Variants in KRTAP16-1 observed in about 807,000 individuals in gnomAD.
KRTAP16-1 encodes keratin associated protein 16-1, also known as keratin-associated protein 16-1.
For synonymous variants in KRTAP16-1, 262 were observed against 248.0 expected (o/e 1.06, Z -0.53); for missense variants, 675 against 657.7 (o/e 1.03, Z -0.29).
rs767195690 is a variant in KRTAP16-1, at chr17:41,307,951, G to C, written c.1303C>G (p.Arg435Gly). 3 of 1,550,502 alleles carry C rather than the reference G, an allele frequency of 1.9e-6. No individual in the cohort carries two copies. Among genetic ancestry groups the C allele is most frequent in the African/African-American group, 1.4e-5 (1 of 73,044 alleles). The change falls in exon 1 of 1, where the codon CGC (arginine) becomes GGC (glycine). Residue 435 changes from arginine to glycine, a missense_variant. By Grantham distance (125) the Arg-to-Gly change is moderately radical. Coordinates refer to ENST00000391352, the MANE Select transcript of KRTAP16-1 (RefSeq NM_001146182.2). Reference sequence around the variant, plus strand: ...GAGTAGGAAGTGACACAGGCTGGGCGGCGCAGGATGGAGTAGCATGGGCGA... The same window carrying C: ...GAGTAGGAAGTGACACAGGCTGGGCCGCGCAGGATGGAGTAGCATGGGCGA... ...CYRPCYSILRRPACVTSYSCR... is the reference protein window; with the variant it reads ...CYRPCYSILRGPACVTSYSCR...
At position 41,308,981 on chromosome 17, in the gene KRTAP16-1, G is replaced by T. The variant is rs760023094; in HGVS notation, c.273C>A (p.Pro91=). The part of the protein sequence containing the change: ...PSCSVSSGCQ[P]VCCEATTCEP... ...CACAGGTGGTGGCCTCACAGCACAC[G>T]GGTTGGCAGCCGCTGCTCACGGAGC... The change falls in exon 1 of 1, where the codon CCC becomes CCA. Residue 91 remains proline (P), a synonymous_variant. Transcript: ENST00000391352. 1 of 1,544,986 alleles carries T rather than the reference G, an allele frequency of 6.5e-7. No homozygotes were observed. The highest frequency in any genetic ancestry group is 1.2e-5 in the South Asian group (1 of 83,724).
chr17:41,308,388 C>T lies in KRTAP16-1; in HGVS notation c.866G>A (p.Cys289Tyr), dbSNP rs1316725984. The T allele has an allele frequency of 6.4e-7, 1 of 1,550,558 alleles. No homozygotes were observed. The part of the protein sequence containing the change: ...LRPVCCVQSS[C>Y]EPPSVPSTCQ... ...AGTGCTGGGGACAGAAGGTGGCTCG[C>T]ACGAGCTCTGAACACAGCAGACAGG... is the stretch of plus-strand genomic sequence containing the variant. Residue 289 changes from cysteine (C) to tyrosine (Y), a missense_variant, in exon 1 of 1, where the codon TGC (cysteine) becomes TAC (tyrosine). By Grantham distance (194) the Cys-to-Tyr change is radical. Transcript: ENST00000391352.
Position 41,308,541 on chromosome 17 carries a change from C to A in KRTAP16-1, c.713G>T (p.Cys238Phe). The change falls in exon 1 of 1, where the codon TGC (cysteine) becomes TTC (phenylalanine). Residue 238 changes from cysteine to phenylalanine, a missense_variant. Coordinates refer to ENST00000391352, the MANE Select transcript of KRTAP16-1 (RefSeq NM_001146182.2). ...AGCCTGGCAGCTACTGGTCACAGAG[C>A]AGGTAGGTGTCGGGCACACCGGCTG... ...CCQPVCPTPT[C>F]SVTSSCQAVC... 2 of 1,550,656 alleles carry A rather than the reference C, an allele frequency of 1.3e-6. No homozygotes were observed. Among genetic ancestry groups the A allele is most frequent in the Non-Finnish European group, 1.7e-6 (2 of 1,146,906 alleles).
rs778127245 is a variant in KRTAP16-1, at chr17:41,307,769, T to A, written c.1485A>T (p.Lys495Asn). The change falls in exon 1 of 1, where the codon AAA (lysine) becomes AAT (asparagine). Residue 495 changes from lysine (K) to asparagine (N), a missense_variant. Physicochemically the swap from Lys to Asn is moderately conservative, Grantham distance 94. Transcript: ENST00000391352. ...CCTCACGGGTGGTTGGGCTGATGGG[T>A]TTGGCTTCAGTGGGCTGGCAGGGAG... ...EEAPCQPTEAKPISPTTREAA... is the reference protein window; with the variant it reads ...EEAPCQPTEANPISPTTREAA... 7 of 1,550,030 alleles carry A rather than the reference T, an allele frequency of 4.5e-6. No individual in the cohort carries two copies. The highest frequency in any genetic ancestry group is 4.1e-5 in the African/African-American group (3 of 73,100).
chr17:41,308,277 G>C lies in KRTAP16-1; in HGVS notation c.977C>G (p.Ser326Cys). ...PSPCSPAVCV[S>C]SPCQPTCYVV... is the part of the protein sequence containing the mutation. The stretch of plus-strand genomic sequence containing the variant: ...ATAGCAAGTAGGTTGGCATGGACTG[G>C]ACACACAGACAGCTGGTGAGCAGGG... Residue 326 changes from serine to cysteine, a missense_variant, in exon 1 of 1, where the codon TCC becomes TGC. Coordinates refer to ENST00000391352, the MANE Select transcript of KRTAP16-1 (RefSeq NM_001146182.2). 6.4e-7 allele frequency: 1 copy of C among 1,550,798 alleles called. No individual in the cohort carries two copies. Among genetic ancestry groups the C allele is most frequent in the Non-Finnish European group, 8.7e-7 (1 of 1,147,006 alleles).
rs1478784223 is a variant in KRTAP16-1, at chr17:41,309,198, C to T, written c.56G>A (p.Cys19Tyr). The change falls in exon 1 of 1, where the codon TGC becomes TAC. Residue 19 changes from cysteine (C) to tyrosine (Y), a missense_variant. Transcript: ENST00000391352. ...KCFSVPATSL[C>Y]STEVSCGGPI... ...GCCTCCACAGCTCACCTCAGTGGAG[C>T]AGAGAGAGGTGGCTGGCACGGAGAA... 6.5e-7 allele frequency: 1 copy of T among 1,547,390 alleles called. No individual in the cohort carries two copies. Among genetic ancestry groups the T allele is most frequent in the African/African-American group, 1.4e-5 (1 of 72,956 alleles).
Position 41,308,920 on chromosome 17 carries a change from C to A in KRTAP16-1, c.334G>T (p.Val112Leu), listed in dbSNP as rs1192138249. The A allele has an allele frequency of 6.5e-7, 1 of 1,550,324 alleles. No homozygotes were observed. Among genetic ancestry groups the A allele is most frequent in the South Asian group, 1.2e-5 (1 of 84,064 alleles). The change falls in exon 1 of 1, where the codon GTG (valine) becomes TTG (leucine). Residue 112 changes from valine to leucine, a missense_variant. By Grantham distance (32) the Val-to-Leu change is conservative (BLOSUM62 1). Transcript: ENST00000391352. ...SCSVSNCYQP[V>L]CFEATICEPS... ...TCACAGATGGTGGCCTCGAAGCACACAGGTTGGTAGCAGTTGCTCACAGAG... is the reference window on the plus strand; with the variant it reads ...TCACAGATGGTGGCCTCGAAGCACAAAGGTTGGTAGCAGTTGCTCACAGAG...
rs2016936802 is a variant in KRTAP16-1 at position 41,308,428 on chromosome 17, G to A, written c.826C>T (p.Pro276Ser). Residue 276 changes from proline to serine, a missense_variant, in exon 1 of 1, where the codon CCA (proline) becomes TCA (serine). Transcript: ENST00000391352. ...CAGCAGACAGGGCGGAGGCAAACTG[G>A]CTCACAGACCAGAGCCACACACGTA... ...PATCVALVCE[P>S]VCLRPVCCVQ... 3 of 1,550,648 alleles carry A rather than the reference G, an allele frequency of 1.9e-6. No homozygotes were observed. The highest frequency in any genetic ancestry group is 2.6e-6 in the Non-Finnish European group (3 of 1,146,976).
Position 41,309,074 on chromosome 17 carries a change from C to T in KRTAP16-1, c.180G>A (p.Gln60=). ...GSSSCGPQCR[Q]PSCPVSSCAQ... ...CACAGCTACTCACAGGACAGGAGGG[C>T]TGACGGCACTGTGGCCCACAGCTGG... The change falls in exon 1 of 1, where the codon CAG becomes CAA. Residue 60 remains glutamine (Q), a synonymous_variant. Coordinates refer to ENST00000391352, the MANE Select transcript of KRTAP16-1 (RefSeq NM_001146182.2). 6.4e-7 allele frequency: 1 copy of T among 1,550,648 alleles called. No individual in the cohort carries two copies. Among genetic ancestry groups the T allele is most frequent in the Non-Finnish European group, 8.7e-7 (1 of 1,146,988 alleles).
At position 41,308,100 on chromosome 17, in the gene KRTAP16-1, C is replaced by T. The variant is rs1036743588; in HGVS notation, c.1154G>A (p.Arg385Gln). Residue 385 changes from arginine (R) to glutamine (Q), a missense_variant, in exon 1 of 1, where the codon CGG becomes CAG. Physicochemically the swap from Arg to Gln is conservative, Grantham distance 43. Transcript: ENST00000391352. ...GTAGGAAATCGTAGCACTGCAAGGC[C>T]GTTTGCTGGAACTGGGTATGTAGAA... ...RTFYIPSSSK[R>Q]PCSATISYRP... 5.2e-6 allele frequency: 8 copies of T among 1,550,394 alleles called. No individual in the cohort carries two copies. The East Asian group carries it at 7.3e-5, about 14-fold the overall frequency.
rs777158668 is a variant in KRTAP16-1 at position 41,309,001 on chromosome 17, C to T, written c.253G>A (p.Val85Met). Residue 85 changes from valine (V) to methionine (M), a missense_variant, in exon 1 of 1, where the codon GTG (valine) becomes ATG (methionine). Coordinates refer to ENST00000391352, the MANE Select transcript of KRTAP16-1 (RefSeq NM_001146182.2). ...CACACGGGTTGGCAGCCGCTGCTCA[C>T]GGAGCAAGAAGGCTCACAAATGACA... Reference protein sequence around the residue: ...DPVICEPSCSVSSGCQPVCCE... With the variant: ...DPVICEPSCSMSSGCQPVCCE... The T allele has an allele frequency of 1.5e-5, 23 of 1,550,520 alleles. No homozygotes were observed. The highest frequency in any genetic ancestry group is 1.7e-4 in the Middle Eastern group (1 of 6,014).
In KRTAP16-1 at chr17:41,308,727, G is replaced by A. The variant is rs2016942278; in HGVS notation, c.527C>T (p.Ala176Val). ...SSCCQPVGSE[A>V]TSCQPVLCVP... Reference sequence around the variant, plus strand: ...ACAGAGGACTGGTTGGCAGGAAGTGGCTTCAGAGCCTACAGGCTGGCAGCA... The same window carrying A: ...ACAGAGGACTGGTTGGCAGGAAGTGACTTCAGAGCCTACAGGCTGGCAGCA... Residue 176 changes from alanine (A) to valine (V), a missense_variant, in exon 1 of 1, where the codon GCC (alanine) becomes GTC (valine). Coordinates refer to ENST00000391352, the MANE Select transcript of KRTAP16-1 (RefSeq NM_001146182.2). 3.9e-6 allele frequency: 6 copies of A among 1,550,576 alleles called. No homozygotes were observed. The highest frequency in any genetic ancestry group is 1.4e-5 in the African/African-American group (1 of 73,056).
Position 41,307,946 on chromosome 17 carries a change from TG to T in KRTAP16-1, c.1307del (p.Pro436GlnfsTer?), listed in dbSNP as rs2016925678. 2 of 1,550,460 alleles carry T rather than the reference TG, an allele frequency of 1.3e-6. No individual in the cohort carries two copies. The highest frequency in any genetic ancestry group is 1.4e-5 in the African/African-American group (1 of 73,016). ...GGCAAGAGTAGGAAGTGACACAGGCTGGGCGGCGCAGGATGGAGTAGCATGG... is the reference window on the plus strand; with the variant it reads ...GGCAAGAGTAGGAAGTGACACAGGCTGGCGGCGCAGGATGGAGTAGCATGG... ...YRPCYSILRR[P>X]ACVTSYSCRP... On this transcript the variant is annotated frameshift_variant, in exon 1 of 1. Transcript: ENST00000391352. LOFTEE classifies it low-confidence loss of function (END_TRUNC).
Position 41,308,374 on chromosome 17 carries a change from C to T in KRTAP16-1, c.880G>A (p.Val294Ile). ...GAAGGCTCTTGGCAAGTGCTGGGGA[C>T]AGAAGGTGGCTCGCACGAGCTCTGA... ...CVQSSCEPPSVPSTCQEPSCC... is the reference protein window; with the variant it reads ...CVQSSCEPPSIPSTCQEPSCC... The change falls in exon 1 of 1, where the codon GTC (valine) becomes ATC (isoleucine). Residue 294 changes from valine to isoleucine, a missense_variant. Coordinates refer to ENST00000391352, the MANE Select transcript of KRTAP16-1 (RefSeq NM_001146182.2). 1 of 1,550,446 alleles carries T rather than the reference C, an allele frequency of 6.4e-7. No homozygotes were observed. Among genetic ancestry groups the T allele is most frequent in the Non-Finnish European group, 8.7e-7 (1 of 1,146,886 alleles).
chr17:41,308,842 C>G lies in KRTAP16-1; in HGVS notation c.412G>C (p.Val138Leu), dbSNP rs12453338. 2 of 1,548,438 alleles carry G rather than the reference C, an allele frequency of 1.3e-6. No individual in the cohort carries two copies. ...CCQPVCFEAT[V>L]CEPSCSVSSC... is the part of the protein sequence containing the mutation. ...CTCACGGAACAAGAAGGCTCACAAA[C>G]GGTGGCCTCAAAGCACACAGGTTGG... Residue 138 changes from valine (V) to leucine (L), a missense_variant, in exon 1 of 1, where the codon GTT becomes CTT. Physicochemically the swap from Val to Leu is conservative, Grantham distance 32. Coordinates refer to ENST00000391352, the MANE Select transcript of KRTAP16-1 (RefSeq NM_001146182.2).
chr17:41,309,078 C>A lies in KRTAP16-1; in HGVS notation c.176G>T (p.Arg59Leu), dbSNP rs571469721. The A allele has an allele frequency of 6.4e-7, 1 of 1,550,634 alleles. No individual in the cohort carries two copies. The highest frequency in any genetic ancestry group is 8.7e-7 in the Non-Finnish European group (1 of 1,146,990). ...GCTACTCACAGGACAGGAGGGCTGA[C>A]GGCACTGTGGCCCACAGCTGGATGA... is the stretch of plus-strand genomic sequence containing the variant. ...CGSSSCGPQC[R>L]QPSCPVSSCA... Residue 59 changes from arginine to leucine, a missense_variant, in exon 1 of 1, where the codon CGT (arginine) becomes CTT (leucine). Coordinates refer to ENST00000391352, the MANE Select transcript of KRTAP16-1 (RefSeq NM_001146182.2).
In KRTAP16-1 at chr17:41,309,022, T is replaced by C; in HGVS notation, c.232A>G (p.Ile78Val). The C allele has an allele frequency of 6.4e-7, 1 of 1,550,616 alleles. No homozygotes were observed. The highest frequency in any genetic ancestry group is 8.7e-7 in the Non-Finnish European group (1 of 1,146,982). Residue 78 changes from isoleucine (I) to valine (V), a missense_variant, in exon 1 of 1, where the codon ATT becomes GTT. By Grantham distance (29) the Ile-to-Val change is conservative (BLOSUM62 3). Transcript: ENST00000391352. ...CAQPLCCDPV[I>V]CEPSCSVSSG... is the part of the protein sequence containing the mutation. The stretch of plus-strand genomic sequence containing the variant: ...CTCACGGAGCAAGAAGGCTCACAAA[T>C]GACAGGATCACAGCACAGGGGTTGG...
In KRTAP16-1 at chr17:41,308,230, C is replaced by T. The variant is rs751871100; in HGVS notation, c.1024G>A (p.Val342Ile). The T allele has an allele frequency of 1.3e-6, 2 of 1,550,586 alleles. No homozygotes were observed. Among genetic ancestry groups the T allele is most frequent in the South Asian group, 1.2e-5 (1 of 84,058 alleles). Residue 342 changes from valine to isoleucine, a missense_variant, in exon 1 of 1, where the codon GTC becomes ATC. Physicochemically the swap from Val to Ile is conservative, Grantham distance 29 (BLOSUM62 3). Transcript: ENST00000391352. The stretch of plus-strand genomic sequence containing the variant: ...GGGCAGGAAACTGGCTCAGGGCAGA[C>T]AGAAGGACAGCGCTTGACTACATAG... ...TCYVVKRCPS[V>I]CPEPVSCPST...
At position 41,309,071 on chromosome 17, in the gene KRTAP16-1, G is replaced by A; in HGVS notation, c.183C>T (p.Pro61=). 2 of 1,550,662 alleles carry A rather than the reference G, an allele frequency of 1.3e-6. No homozygotes were observed. The highest frequency in any genetic ancestry group is 1.7e-6 in the Non-Finnish European group (2 of 1,147,004). The change falls in exon 1 of 1, where the codon CCC becomes CCT. Residue 61 remains proline (P), a synonymous_variant. Coordinates refer to ENST00000391352, the MANE Select transcript of KRTAP16-1 (RefSeq NM_001146182.2). ...GGGCACAGCTACTCACAGGACAGGA[G>A]GGCTGACGGCACTGTGGCCCACAGC... The part of the protein sequence containing the change: ...SSSCGPQCRQ[P]SCPVSSCAQP...
Sources: allele counts gnomAD v4.1 joint callset, GRCh38; gene constraint gnomAD v4.1.1; transcripts MANE v1.5; gene names NCBI Gene and HGNC (gene_info 2026-07-23, HGNC 2026-07-21).